Variants in CTC1 observed in about 807,000 individuals in gnomAD.
CTC1 encodes CST telomere replication complex component 1, also known as CST complex subunit CTC1.
In CTC1, 91 loss-of-function variants were observed where a neutral mutation model predicts 136.3. The ratio of observed to expected loss-of-function variants is 0.67; its 90% CI spans 0.56 to 0.79. The LOEUF (loss-of-function observed/expected upper bound fraction) is 0.79, where lower values mean the gene tolerates loss of function less well. Among genes scored for constraint, CTC1 ranks in the 30% least tolerant of loss-of-function variants. The probability of loss-of-function intolerance (pLI) is 0.00; values close to 1 mark genes in which losing one functional copy is unlikely to be tolerated. For synonymous variants in CTC1, 606 were observed against 613.8 expected, an observed-to-expected ratio of 0.99 and a Z score of 0.19; for missense variants, 1,432 against 1,498.1, an observed-to-expected ratio of 0.96 and a Z score of 0.73.
At chr17:8,247,305 CTTTTTTTT>C (rs772948223) in intron 1 of CTC1, among the ~76,000 whole-genome samples, 139 of 91,266 alleles carry the variant, frequency 1.5e-3, no homozygotes, top group African/African-American at 6.3e-3. Context: ...CCTTCCGGCG[CTTTTTTTT>C]TTTTTTTTTT....
chr17:8,241,114 C>A (rs1988179334), intron 2 of CTC1, among the ~76,000 whole-genome samples: 1 of 151,900 alleles, frequency 6.6e-6, no homozygotes, highest in Non-Finnish European at 1.5e-5. Flanking sequence ...CATGGTAAAA[C>A]CCCATCTCTG....
rs1986770324 is a variant in CTC1, at chr17:8,227,033, C to CACCACGCTCTA, written c.*1136_*1146dup. On this transcript the variant is annotated 3_prime_UTR_variant, in exon 23 of 23. Transcript: ENST00000651323. ...GAACCCGCGACCTTGGCGTTATTAG[C>CACCACGCTCTA]ACCACGCTCTAACCAACTGAGCTAA... 6.6e-6 allele frequency: 1 copy of CACCACGCTCTA among 151,816 alleles called. No homozygotes were observed. The highest frequency in any genetic ancestry group is 6.6e-5 in the Admixed American group (1 of 15,266). The allele number at this position is 151,816 out of a possible 1,614,324, so 9.4% of individuals were successfully genotyped here. A position where few individuals can be genotyped will look rare whatever the true frequency, so the allele number is the denominator to read the frequency against.
chr17:8,232,122 T>C lies in CTC1; in HGVS notation c.2166A>G (p.Pro722=), dbSNP rs2151509876. The C allele has an allele frequency of 6.5e-7, 1 of 1,530,904 alleles. No individual in the cohort carries two copies. Among genetic ancestry groups the C allele is most frequent in the Non-Finnish European group, 8.7e-7 (1 of 1,143,706 alleles). 94.8% of individuals were successfully genotyped at this position (1,530,904 alleles called of 1,614,324 possible). The part of the protein sequence containing the change: ...PSTPQTDPTG[P]EGPHLGQSRL... ...GGCTCTGTCCTAGGTGGGGTCCCTC[T>C]GGGCCGGTGGGATCTGTCTGAGGTG... is the stretch of plus-strand genomic sequence containing the variant. The change falls in exon 13 of 23, where the codon CCA becomes CCG. Residue 722 remains proline, a synonymous_variant. Transcript: ENST00000651323.
Position 8,228,771 on chromosome 17 carries a change from C to T in CTC1, c.3343G>A (p.Gly1115Ser). 6.2e-7 allele frequency: 1 copy of T among 1,614,170 alleles called. No homozygotes were observed. The highest frequency in any genetic ancestry group is 8.5e-7 in the Non-Finnish European group (1 of 1,180,006). ...ASLLDFVQVPGRVVLQFAGPG... is the reference protein window; with the variant it reads ...ASLLDFVQVPSRVVLQFAGPG... ...CCTGCAAACTGCAAGACCACTCTGC[C>T]TGGCACTTGGACGAAATCTAGGAGG... Residue 1115 changes from glycine (G) to serine (S), a missense_variant, in exon 21 of 23, where the codon GGC (glycine) becomes AGC (serine). Coordinates refer to ENST00000651323, the MANE Select transcript of CTC1 (RefSeq NM_025099.6).
chr17:8,246,202 GT>G (rs1371818220), intron 1 of CTC1, among the ~76,000 whole-genome samples: 4 of 60,058 alleles, frequency 6.7e-5, no homozygotes, highest in African/African-American at 2.4e-4. Context: ...GTAAGACCTT[GT>G]TTCAAAAAAA....
intron 1 of CTC1, among the ~76,000 whole-genome samples, chr17:8,244,211 C>G (rs975427176): frequency 1.3e-5 from 2 of 152,206 alleles, no homozygotes; most frequent in African/African-American, 4.8e-5. Context: ...GCATTTCCCA[C>G]AAACTAAATA....
intron 1 of CTC1, among the ~76,000 whole-genome samples, chr17:8,245,386 C>T (rs1023241146): frequency 6.6e-6 from 1 of 152,190 alleles, no homozygotes; most frequent in Non-Finnish European, 1.5e-5. Flanking sequence ...ACTTCAGCCA[C>T]ACACTCATTC....
At chr17:8,233,549 C>G (rs1464275616) in intron 10 of CTC1, 1 of 152,996 alleles carries the variant, frequency 6.5e-6, no homozygotes, top group Non-Finnish European at 1.5e-5. Flanking sequence ...GCAGGCAGAT[C>G]ACTCAAGTCC....
intron 11 of CTC1, 114 bp from the exon 12 acceptor site, chr17:8,232,589 CAT>C: frequency 3.6e-6 from 3 of 843,584 alleles, no homozygotes; most frequent in Non-Finnish European, 5.7e-6. Flanking sequence ...GCTGCCCTCA[CAT>C]GACATGAAAG....
In CTC1 at chr17:8,226,134, G is replaced by A. The variant is rs1354485504; in HGVS notation, c.*2046C>T. On this transcript the variant is annotated 3_prime_UTR_variant, in exon 23 of 23. Transcript: ENST00000651323. ...GCTTGACTCTGCAGGAAATGTGGGTGCTATGAGTGCAGAACAGAAACTCTT... is the reference window on the plus strand; with the variant it reads ...GCTTGACTCTGCAGGAAATGTGGGTACTATGAGTGCAGAACAGAAACTCTT... 6.6e-6 allele frequency: 1 copy of A among 152,198 alleles called. No individual in the cohort carries two copies. Among genetic ancestry groups the A allele is most frequent in the Non-Finnish European group, 1.5e-5 (1 of 68,044 alleles). 9.4% of individuals were successfully genotyped at this position (152,198 alleles called of 1,614,324 possible). A position where few individuals can be genotyped will look rare whatever the true frequency, so the allele number is the denominator to read the frequency against.
At chr17:8,240,831 G>A (rs570747183) in intron 2 of CTC1, among the ~76,000 whole-genome samples, 14 of 151,964 alleles carry the variant, frequency 9.2e-5, no homozygotes, top group African/African-American at 2.9e-4. Flanking sequence ...AGCAGAGATC[G>A]CGATATTGCA....
At chr17:8,246,447 A>C (rs1988715761) in intron 1 of CTC1, among the ~76,000 whole-genome samples, 1 of 152,174 alleles carries the variant, frequency 6.6e-6, no homozygotes, top group Non-Finnish European at 1.5e-5. Context: ...ACACATGCCC[A>C]ACACTGAACT....
At chr17:8,234,070 G>T (rs976031972) in intron 10 of CTC1, among the ~76,000 whole-genome samples, 1 of 152,016 alleles carries the variant, frequency 6.6e-6, no homozygotes, top group African/African-American at 2.4e-5. Flanking sequence ...CTATACTCTT[G>T]ATCTCTCAGG....
Position 8,237,499 on chromosome 17 carries a change from T to C in CTC1, c.668A>G (p.Gln223Arg). The change falls in exon 5 of 23, where the codon CAG (glutamine) becomes CGG (arginine). Residue 223 changes from glutamine to arginine, a missense_variant. Gln to Arg is a conservative substitution (Grantham distance 43, BLOSUM62 1). Transcript: ENST00000651323. The stretch of plus-strand genomic sequence containing the variant: ...AACTAGACTCCCAGCCAGGTTTCGC[T>C]GCACACCTCTGAGCTTGTTTCTAAG... ...LRLRNKLRGV[Q>R]RNLAGSLVRL... The C allele has an allele frequency of 6.2e-7, 1 of 1,613,914 alleles. No homozygotes were observed. Among genetic ancestry groups the C allele is most frequent in the Non-Finnish European group, 8.5e-7 (1 of 1,179,960 alleles).
In CTC1 at chr17:8,229,983, G is replaced by C. The variant is rs1384276580; in HGVS notation, c.2934-15C>G. The C allele has an allele frequency of 6.2e-7, 1 of 1,613,042 alleles. No individual in the cohort carries two copies. Among genetic ancestry groups the C allele is most frequent in the East Asian group, 2.2e-5 (1 of 44,872 alleles). ...CATTGTGAGATCTGCAAGTGGAAGA[G>C]GAATAGTGAGTGACCAGGAAGACAA... On this transcript the variant is annotated splice_polypyrimidine_tract_variant and intron_variant, in intron 17 of 22. Transcript: ENST00000651323.
chr17:8,236,862 T>C (rs1002855260), intron 5 of CTC1, among the ~76,000 whole-genome samples: 7 of 152,200 alleles, frequency 4.6e-5, no homozygotes, highest in African/African-American at 1.7e-4. Flanking sequence ...TTACAATTTC[T>C]ACCTTGGGTA....
chr17:8,245,348 G>A (rs1988588957), intron 1 of CTC1, among the ~76,000 whole-genome samples: 1 of 152,136 alleles, frequency 6.6e-6, no homozygotes. Flanking sequence ...GCATCCTTGT[G>A]GACAGCCCTA....
At chr17:8,235,331 A>G in intron 7 of CTC1, 46 bp from the exon 8 acceptor site, 1 of 1,416,602 alleles carries the variant, frequency 7.1e-7, no homozygotes, top group Non-Finnish European at 9.9e-7. Context: ...GAAGACCCCA[A>G]CTCAATGAAC....
Position 8,232,070 on chromosome 17 carries a change from C to T in CTC1, c.2218G>A (p.Ala740Thr). ...SRLFLLCHKE[A>T]LMKRNFCVPP... ...ACACAAAAATTACGCTTCATGAGGG[C>T]CTCCTTGTGGCAGAGCAAGAAGAGC... Residue 740 changes from alanine to threonine, a missense_variant, in exon 13 of 23, where the codon GCC becomes ACC. Physicochemically the swap from Ala to Thr is moderately conservative, Grantham distance 58. Transcript: ENST00000651323. 7 of 1,562,748 alleles carry T rather than the reference C, an allele frequency of 4.5e-6. No homozygotes were observed. The highest frequency in any genetic ancestry group is 6.0e-6 in the Non-Finnish European group (7 of 1,159,420).
Sources: gnomAD v4.1 joint callset for allele counts (sites outside exome capture counted in the v4.1 genomes callset) on GRCh38, gnomAD v4.1.1 for gene constraint, MANE v1.5 for transcripts, NCBI Gene and HGNC (gene_info 2026-07-23, HGNC 2026-07-21) for gene names.